The following CDCA2 variants were observed in gnomAD, a reference collection of about 807,000 sequenced individuals.
CDCA2 encodes cell division cycle-associated protein 2.
A neutral mutation model predicts 67.0 loss-of-function variants in CDCA2; 44 were observed. The ratio of observed to expected loss-of-function variants is 0.66; its 90% CI spans 0.52 to 0.84. CDCA2 has a LOEUF of 0.84. CDCA2 is among the 40% of genes least tolerant of loss of function. The pLI is 0.00. For missense variants in CDCA2, 1,253 were observed against 1,203.2 expected (o/e 1.04, Z -0.61); for synonymous variants, 447 against 418.7 (o/e 1.07, Z -0.82).
intron 7 of CDCA2, among the ~76,000 whole-genome samples, chr8:25,476,479 C>T (rs1586484824): frequency 1.3e-5 from 2 of 152,092 alleles, no homozygotes; most frequent in Middle Eastern, 3.5e-3. Context: ...CCTCCTGCAT[C>T]TCTGTATGTG....
rs777369910 is a variant in CDCA2 at position 25,487,287 on chromosome 8, T to A, written c.1486T>A (p.Ser496Thr). Residue 496 changes from serine (S) to threonine (T), a missense_variant, in exon 12 of 15, where the codon TCC (serine) becomes ACC (threonine). Transcript: ENST00000330560. ...TTCTTCAAATAACCATGAGAAAATA[T>A]CCTCTCCTAAAGTTGGTAGAATAAC... The part of the protein sequence containing the change: ...FSSSNNHEKI[S>T]SPKVGRITRT... 4 of 1,611,170 alleles carry A rather than the reference T, an allele frequency of 2.5e-6. No individual in the cohort carries two copies. The highest frequency in any genetic ancestry group is 3.4e-6 in the Non-Finnish European group (4 of 1,177,750).
chr8:25,468,436 A>G (rs750497051), intron 6 of CDCA2, 23 bp downstream of exon 6: 247 of 1,589,090 alleles, frequency 1.6e-4, no homozygotes, highest in Non-Finnish European at 2.0e-4. Context: ...CTTTACGCAT[A>G]GGAAAATGAA....
chr8:25,494,535 G>A lies in CDCA2; in HGVS notation c.1671+5846G>A, dbSNP rs118102132. Among the ~76,000 whole-genome samples the A allele has an allele frequency of 2.3e-3, 357 of 152,206 alleles. 2 individuals are homozygous for A. The South Asian group carries it at 0.027, about 12-fold the overall frequency. ...AAATACTGTGCCATTTTATGTCGGG[G>A]ACTTGAGTATCTGCAGATTTTTGGT... On this transcript the variant is annotated intron_variant, in intron 13 of 14. Coordinates refer to ENST00000330560, the MANE Select transcript of CDCA2 (RefSeq NM_152562.4).
chr8:25,487,604 G>A (rs1016578292), intron 12 of CDCA2, among the ~76,000 whole-genome samples: 12 of 152,104 alleles, frequency 7.9e-5, no homozygotes, highest in Admixed American at 6.5e-4. Context: ...TTAGCCGGAC[G>A]TGGTGGTGGA....
intron 4 of CDCA2, among the ~76,000 whole-genome samples, chr8:25,465,621 A>G (rs1276456315): frequency 6.7e-6 from 1 of 149,824 alleles, no homozygotes; most frequent in African/African-American, 2.5e-5. Context: ...CCTAAGAAGG[A>G]AATATCCTCC....
chr8:25,489,087 T>C (rs886994374), intron 13 of CDCA2, among the ~76,000 whole-genome samples: 1 of 152,146 alleles, frequency 6.6e-6, no homozygotes, highest in Non-Finnish European at 1.5e-5. Flanking sequence ...TCCCTAAATT[T>C]AAGGGAAAGT....
chr8:25,472,828 T>A (rs1034553496), intron 7 of CDCA2, among the ~76,000 whole-genome samples: 3 of 152,188 alleles, frequency 2.0e-5, no homozygotes, highest in Non-Finnish European at 2.9e-5. Context: ...AACATGTCCC[T>A]CACTTCACTT....
At chr8:25,468,145 GAA>G (rs369932212) in intron 5 of CDCA2, 70 bp from the exon 6 acceptor site, 3 of 344,552 alleles carry the variant, frequency 8.7e-6, no homozygotes, top group African/African-American at 6.9e-5. Flanking sequence ...AAAAAGAAAA[GAA>G]AAAAAATATA....
chr8:25,503,598 T>C lies in CDCA2; in HGVS notation c.1843+54T>C, dbSNP rs555265059. 4.7e-3 allele frequency: 7,164 copies of C among 1,524,968 alleles called. 25 individuals are homozygous for C. Among genetic ancestry groups the C allele is most frequent in the Non-Finnish European group, 5.6e-3 (6,360 of 1,132,084 alleles). 94.5% of individuals were successfully genotyped at this position (1,524,968 alleles called of 1,614,324 possible). A position where few individuals can be genotyped will look rare whatever the true frequency, so the allele number is the denominator to read the frequency against. On this transcript the variant is annotated intron_variant, in intron 14 of 14. Transcript: ENST00000330560. ...TTTTATCTTTTCTCTTCACCCTCTT[T>C]GTTGCTATTTTACTTTTTTCACTTT...
chr8:25,484,423 T>C (rs1803687606), intron 10 of CDCA2, among the ~76,000 whole-genome samples: 2 of 152,222 alleles, frequency 1.3e-5, no homozygotes, highest in Non-Finnish European at 2.9e-5. Context: ...AACAGATTTA[T>C]GCCAATGAAT....
chr8:25,492,054 C>A (rs144981207), intron 13 of CDCA2, among the ~76,000 whole-genome samples: 1 of 151,936 alleles, frequency 6.6e-6, no homozygotes, highest in Non-Finnish European at 1.5e-5. Context: ...CCTCGGCCTC[C>A]CAAAGTGCTG....
At chr8:25,479,884 CCT>C in intron 7 of CDCA2, 27 bp from the exon 8 acceptor site, 7 of 1,593,844 alleles carry the variant, frequency 4.4e-6, no homozygotes, top group Non-Finnish European at 6.0e-6. Flanking sequence ...AGATCTTCTG[CCT>C]CTCAAGTTTA....
chr8:25,459,008 T>A (rs542462912), upstream of CDCA2: 1 of 152,130 alleles, frequency 6.6e-6, no homozygotes, highest in Non-Finnish European at 1.5e-5. Context: ...GTCCCCGAGG[T>A]CACAAGGCAG....
At chr8:25,474,222 C>G (rs957051183) in intron 7 of CDCA2, among the ~76,000 whole-genome samples, 3 of 152,156 alleles carry the variant, frequency 2.0e-5, no homozygotes, top group African/African-American at 4.8e-5. Context: ...ATTTTTGCAT[C>G]TTTGTTCACC....
chr8:25,468,493 C>T, intron 6 of CDCA2, 80 bp downstream of exon 6: 3 of 1,139,764 alleles, frequency 2.6e-6, no homozygotes, highest in Non-Finnish European at 2.6e-6. Context: ...CAGTGCCGTT[C>T]TTCAATTTTA....
intron 7 of CDCA2, chr8:25,472,004 G>A (rs1253109003): frequency 1.3e-5 from 2 of 152,208 alleles, no homozygotes; most frequent in Non-Finnish European, 2.9e-5. Flanking sequence ...ATAAAAAGAT[G>A]TTCCGAGATG....
intron 10 of CDCA2, among the ~76,000 whole-genome samples, chr8:25,485,041 A>G (rs1803713614): frequency 6.6e-6 from 1 of 152,144 alleles, no homozygotes; most frequent in African/African-American, 2.4e-5. Context: ...TTGAAAAACA[A>G]TCAGTGTAAT....
chr8:25,507,246 A>G lies in CDCA2; in HGVS notation c.2580A>G (p.Val860=), dbSNP rs748181265. 1 of 1,614,174 alleles carries G rather than the reference A, an allele frequency of 6.2e-7. No individual in the cohort carries two copies. The highest frequency in any genetic ancestry group is 1.1e-5 in the South Asian group (1 of 91,086). Residue 860 remains valine (V), a synonymous_variant, in exon 15 of 15, where the codon GTA becomes GTG. Transcript: ENST00000330560. The stretch of plus-strand genomic sequence containing the variant: ...CATCCTCCAGTGTGGGCAGCTCTGT[A>G]GAAATTAGTTTAGAAAATTCTGAAC... ...HTPSSSVGSS[V]EISLENSELF... is the part of the protein sequence containing the mutation.
Position 25,498,394 on chromosome 8 carries a change from G to C in CDCA2, c.1672-4979G>C, listed in dbSNP as rs1162666025. 7.9e-5 allele frequency among the ~76,000 whole-genome samples: 12 copies of C among 151,208 alleles called. No individual in the cohort carries two copies. The East Asian group carries it at 2.1e-3, about 27-fold the overall frequency. On this transcript the variant is annotated intron_variant, in intron 13 of 14. Coordinates refer to ENST00000330560, the MANE Select transcript of CDCA2 (RefSeq NM_152562.4). Reference sequence around the variant, plus strand: ...AGCTAATTTTTGTATTTTTAGTAGAGACGGGGTTTCACTATGTTGGCCTGG... The same window carrying C: ...AGCTAATTTTTGTATTTTTAGTAGACACGGGGTTTCACTATGTTGGCCTGG...
Sources: gnomAD v4.1 joint callset for allele counts (sites outside exome capture counted in the v4.1 genomes callset) on GRCh38, gnomAD v4.1.1 for gene constraint, MANE v1.5 for transcripts, NCBI Gene and HGNC (gene_info 2026-07-23, HGNC 2026-07-21) for gene names.